ENTHD1: variants seen among roughly 807,000 people sequenced by gnomAD.
ENTHD1 encodes the protein ENTH domain containing 1, also known as ENTH domain-containing protein 1.
Under a neutral mutation model 39.1 loss-of-function variants are expected in ENTHD1, and 23 were observed. The ratio of observed to expected loss-of-function variants is 0.59; its 90% CI spans 0.42 to 0.83. The LOEUF (loss-of-function observed/expected upper bound fraction) is 0.83, where lower values mean the gene tolerates loss of function less well. Ranked by LOEUF, ENTHD1 falls within the 40% of genes least tolerant of loss-of-function variation. The probability of loss-of-function intolerance (pLI) is 0.00; values close to 1 mark genes in which losing one functional copy is unlikely to be tolerated. For synonymous variants in ENTHD1, 230 were observed against 258.2 expected, an observed-to-expected ratio of 0.89 and a Z score of 1.05; for missense variants, 624 against 705.4, an observed-to-expected ratio of 0.88 and a Z score of 1.31.
rs190538770 is a variant in ENTHD1, at chr22:39,891,620, A to T, written c.-156+2075T>A. On this transcript the variant is annotated intron_variant, in intron 1 of 6. Coordinates refer to ENST00000325157, the MANE Select transcript of ENTHD1 (RefSeq NM_152512.4). ...CCAAGCCTAACTAATTAAAAAAAAA[A>T]TTTTATTTTTTTTTTTGAGATAGGG... 4.6e-3 allele frequency among the ~76,000 whole-genome samples: 695 copies of T among 149,994 alleles called. 4 individuals are homozygous for T. The highest frequency in any genetic ancestry group is 0.011 in the African/African-American group (466 of 40,724).
In ENTHD1 at chr22:39,743,557, C is replaced by A; in HGVS notation, c.*122G>T. On this transcript the variant is annotated 3_prime_UTR_variant, in exon 7 of 7. Transcript: ENST00000325157. Reference sequence around the variant, plus strand: ...GTTTGAAAGATACTTGCTAATAAACCTGACAAGGAAAAATTAAACCATCCC... The same window carrying A: ...GTTTGAAAGATACTTGCTAATAAACATGACAAGGAAAAATTAAACCATCCC... The A allele has an allele frequency of 3.3e-6, 4 of 1,209,410 alleles. No individual in the cohort carries two copies. The highest frequency in any genetic ancestry group is 2.5e-5 in the East Asian group (1 of 39,248). The allele number at this position is 1,209,410 out of a possible 1,614,324, so 74.9% of individuals were successfully genotyped here.
At chr22:39,825,112 C>G (rs555855671) in intron 4 of ENTHD1, among the ~76,000 whole-genome samples, 1 of 152,134 alleles carries the variant, frequency 6.6e-6, no homozygotes, top group Admixed American at 6.5e-5. Context: ...TTATAATTCT[C>G]AACATATGGA....
rs558212962 is a variant in ENTHD1 at position 39,778,295 on chromosome 22, G to A, written c.833-12686C>T. ...GTAGATACTCCTGTATTTATGATCT[G>A]CAAGCATGATGCATTCTCTTGAACC... On this transcript the variant is annotated intron_variant, in intron 5 of 6. Coordinates refer to ENST00000325157, the MANE Select transcript of ENTHD1 (RefSeq NM_152512.4). Among the ~76,000 whole-genome samples the A allele has an allele frequency of 3.2e-4, 48 of 152,222 alleles. 1 individual carries two copies. The South Asian group carries it at 9.8e-3, about 31-fold the overall frequency.
chr22:39,746,784 A>G (rs1416158484), intron 6 of ENTHD1, among the ~76,000 whole-genome samples: 1 of 152,166 alleles, frequency 6.6e-6, no homozygotes, highest in Non-Finnish European at 1.5e-5. Flanking sequence ...TGTGGTTTAC[A>G]TATCATCACA....
At position 39,743,713 on chromosome 22, in the gene ENTHD1, G is replaced by C; in HGVS notation, c.1790C>G (p.Pro597Arg). 6.2e-7 allele frequency: 1 copy of C among 1,613,396 alleles called. No individual in the cohort carries two copies. Among genetic ancestry groups the C allele is most frequent in the Middle Eastern group, 1.6e-4 (1 of 6,062 alleles). ...SSQISQSSQV[P>R]QSSEGSSDQI is the part of the protein sequence containing the mutation. The stretch of plus-strand genomic sequence containing the variant: ...ATCTGAGCTCCCCTCAGAAGACTGG[G>C]GGACCTGGGAAGACTGGCTTATTTG... Residue 597 changes from proline (P) to arginine (R), a missense_variant, in exon 7 of 7, where the codon CCC (proline) becomes CGC (arginine). Physicochemically the swap from Pro to Arg is moderately radical, Grantham distance 103. Coordinates refer to ENST00000325157, the MANE Select transcript of ENTHD1 (RefSeq NM_152512.4).
chr22:39,806,848 C>T (rs1190075519), intron 5 of ENTHD1, among the ~76,000 whole-genome samples: 1 of 152,130 alleles, frequency 6.6e-6, no homozygotes, highest in Non-Finnish European at 1.5e-5. Context: ...GAGCAAGATT[C>T]AGACAAATGA....
At chr22:39,865,970 T>C (rs1052824339) in intron 2 of ENTHD1, among the ~76,000 whole-genome samples, 3 of 152,230 alleles carry the variant, frequency 2.0e-5, no homozygotes, top group African/African-American at 7.2e-5. Flanking sequence ...TGGATGGTTA[T>C]GGCCACCAAC....
intron 6 of ENTHD1, among the ~76,000 whole-genome samples, chr22:39,759,429 C>G (rs2065211946): frequency 6.6e-6 from 1 of 152,010 alleles, no homozygotes; most frequent in African/African-American, 2.4e-5. Flanking sequence ...CTCTCATAAT[C>G]TTTTGGTAAT....
intron 2 of ENTHD1, among the ~76,000 whole-genome samples, chr22:39,873,673 A>G (rs2066262465): frequency 1.3e-5 from 2 of 152,216 alleles, no homozygotes; most frequent in Non-Finnish European, 2.9e-5. Context: ...ATCAAACAAG[A>G]TCATGCATAT....
In ENTHD1 at chr22:39,743,512, C is replaced by T. The variant is rs188710377; in HGVS notation, c.*167G>A. On this transcript the variant is annotated 3_prime_UTR_variant, in exon 7 of 7. Coordinates refer to ENST00000325157, the MANE Select transcript of ENTHD1 (RefSeq NM_152512.4). ...ACATCTTTCCCTTTTAAAAAATAAACCACCCAAATGAAAGTATTAGTTTGA... is the reference window on the plus strand; with the variant it reads ...ACATCTTTCCCTTTTAAAAAATAAATCACCCAAATGAAAGTATTAGTTTGA... 5.6e-6 allele frequency: 4 copies of T among 713,630 alleles called. No homozygotes were observed. In the Admixed American group the frequency reaches 1.5e-4, roughly 26 times the overall value. 44.2% of individuals were successfully genotyped at this position (713,630 alleles called of 1,614,324 possible).
At chr22:39,805,362 C>T (rs2146622997) in intron 5 of ENTHD1, among the ~76,000 whole-genome samples, 1 of 152,154 alleles carries the variant, frequency 6.6e-6, no homozygotes, top group South Asian at 2.1e-4. Flanking sequence ...ACTCAAAGTC[C>T]CTTACTATGT....
intron 3 of ENTHD1, among the ~76,000 whole-genome samples, chr22:39,843,199 T>A (rs1471236883): frequency 6.6e-6 from 1 of 152,066 alleles, no homozygotes; most frequent in Non-Finnish European, 1.5e-5. Context: ...AGTAAAGACT[T>A]GGAACCAACC....
At chr22:39,856,877 G>T in intron 3 of ENTHD1, among the ~76,000 whole-genome samples, 1 of 147,034 alleles carries the variant, frequency 6.8e-6, no homozygotes. Flanking sequence ...AAGAAAGAAA[G>T]AAAAGGAAAA....
chr22:39,806,539 A>G (rs1037720878), intron 5 of ENTHD1, among the ~76,000 whole-genome samples: 4 of 152,236 alleles, frequency 2.6e-5, no homozygotes, highest in Non-Finnish European at 5.9e-5. Context: ...GGCATTTCCA[A>G]TGATACTTAT....
intron 2 of ENTHD1, among the ~76,000 whole-genome samples, chr22:39,869,677 C>A (rs756384592): frequency 1.7e-4 from 25 of 148,596 alleles, no homozygotes; most frequent in Non-Finnish European, 3.1e-4. Context: ...TATAAATCCA[C>A]ACCAAATGAA....
chr22:39,788,326 C>A (rs1172005694), intron 5 of ENTHD1, among the ~76,000 whole-genome samples: 1 of 152,032 alleles, frequency 6.6e-6, no homozygotes, highest in Non-Finnish European at 1.5e-5. Context: ...GGATTCCAAC[C>A]CTCATGGATG....
Position 39,743,490 on chromosome 22 carries a change from T to C in ENTHD1, c.*189A>G. The C allele has an allele frequency of 1.7e-6, 1 of 579,772 alleles. No individual in the cohort carries two copies. The highest frequency in any genetic ancestry group is 2.8e-6 in the Non-Finnish European group (1 of 358,046). The allele number at this position is 579,772 out of a possible 1,614,324, so 35.9% of individuals were successfully genotyped here. ...AAATCTGAAATTATCAAAGGTGACA[T>C]CTTTCCCTTTTAAAAAATAAACCAC... On this transcript the variant is annotated 3_prime_UTR_variant, in exon 7 of 7. Coordinates refer to ENST00000325157, the MANE Select transcript of ENTHD1 (RefSeq NM_152512.4).
intron 6 of ENTHD1, among the ~76,000 whole-genome samples, chr22:39,744,782 T>C (rs1440781506): frequency 6.6e-6 from 1 of 152,182 alleles, no homozygotes; most frequent in Admixed American, 6.5e-5. Context: ...TTTCTGTCTA[T>C]AGTGAAATAT....
intron 2 of ENTHD1, among the ~76,000 whole-genome samples, chr22:39,872,213 G>A (rs1489520122): frequency 6.6e-6 from 1 of 152,150 alleles, no homozygotes; most frequent in Admixed American, 6.5e-5. Flanking sequence ...TTCTGTGAGT[G>A]TATTAATGCC....
Sources: allele counts gnomAD v4.1 joint callset (sites outside exome capture counted in the v4.1 genomes callset), GRCh38; gene constraint gnomAD v4.1.1; transcripts MANE v1.5; gene names NCBI Gene and HGNC (gene_info 2026-07-23, HGNC 2026-07-21).